Variants in CREM observed in about 807,000 individuals in gnomAD.
CREM encodes the protein cAMP-responsive element modulator.
CREM carries 13 observed loss-of-function variants against 37.3 expected under a neutral mutation model. That is an observed-to-expected ratio of 0.35 (90% CI 0.23 to 0.55). The LOEUF is 0.55. CREM is among the 20% of genes least tolerant of loss of function. The pLI is 0.88. For synonymous variants in CREM, 124 were observed against 120.2 expected, an observed-to-expected ratio of 1.03 and a Z score of -0.21; for missense variants, 296 against 362.3, an observed-to-expected ratio of 0.82 and a Z score of 1.49.
chr10:35,188,320 A>G lies in CREM; in HGVS notation c.530A>G (p.Gln177Arg), dbSNP rs765538761. ...CCTCCACCAGGTGCTACAATTGTAC[A>G]GTACGCAGCACAATCAGCTGATGGC... Reference protein sequence around the residue: ...GAPPPGATIVQYAAQSADGTQ... With the variant: ...GAPPPGATIVRYAAQSADGTQ... The change falls in exon 6 of 8, where the codon CAG (glutamine) becomes CGG (arginine). Residue 177 changes from glutamine (Q) to arginine (R), a missense_variant. Gln to Arg is a conservative substitution (Grantham distance 43). Transcript: ENST00000685392. 2.5e-6 allele frequency: 4 copies of G among 1,614,184 alleles called. No homozygotes were observed. In the Admixed American group the frequency reaches 5.0e-5, roughly 20 times the overall value.
At chr10:35,192,012 T>A (rs2094938166) in intron 6 of CREM, among the ~76,000 whole-genome samples, 1 of 152,114 alleles carries the variant, frequency 6.6e-6, no homozygotes, top group Admixed American at 6.5e-5. Context: ...TAGATTCTTC[T>A]GCCTGGCTGA....
At chr10:35,162,006 A>C (rs1021913333) in intron 3 of CREM, among the ~76,000 whole-genome samples, 1 of 152,254 alleles carries the variant, frequency 6.6e-6, no homozygotes, top group Admixed American at 6.5e-5. Context: ...CATAATGGCC[A>C]AGATACGGAA....
At chr10:35,135,744 GAGA>G (rs1445241690) in intron 1 of CREM, among the ~76,000 whole-genome samples, 3 of 50,894 alleles carry the variant, frequency 5.9e-5, no homozygotes, top group Non-Finnish European at 1.5e-4. Flanking sequence ...AAAAAAAAAA[GAGA>G]GACATTAAAA....
intron 6 of CREM, among the ~76,000 whole-genome samples, chr10:35,204,718 A>G (rs746736050): frequency 2.0e-5 from 3 of 152,288 alleles, no homozygotes; most frequent in Non-Finnish European, 4.4e-5. Context: ...AAAATCTTTA[A>G]GTGAGCTTCC....
At chr10:35,144,904 A>C (rs1480688742) in intron 2 of CREM, among the ~76,000 whole-genome samples, 1 of 151,946 alleles carries the variant, frequency 6.6e-6, no homozygotes, top group Non-Finnish European at 1.5e-5. Context: ...CCATGCCTGT[A>C]ATCCTAGCAC....
At chr10:35,182,745 TAGAC>T (rs1331583780) in intron 5 of CREM, among the ~76,000 whole-genome samples, 1 of 152,184 alleles carries the variant, frequency 6.6e-6, no homozygotes. Context: ...AAGCATAAAA[TAGAC>T]AGGGATCCAT....
rs1264818487 is a variant in CREM, at chr10:35,167,428, A to G, written c.169-11461A>G. On this transcript the variant is annotated intron_variant, in intron 3 of 7. Coordinates refer to ENST00000685392, the MANE Select transcript of CREM (RefSeq NM_183011.2). ...AGCAGAGTTGATAGAGCAGTCTGCTATATTGTGAATTCACATTTTAAAATC... is the reference window on the plus strand; with the variant it reads ...AGCAGAGTTGATAGAGCAGTCTGCTGTATTGTGAATTCACATTTTAAAATC... The G allele has an allele frequency of 5.0e-5, 17 of 341,622 alleles. 1 individual carries two copies. The East Asian group carries it at 8.6e-4, about 17-fold the overall frequency. The allele number at this position is 341,622 out of a possible 1,614,324, so 21.2% of individuals were successfully genotyped here. A position where few individuals can be genotyped will look rare whatever the true frequency, so the allele number is the denominator to read the frequency against.
chr10:35,154,716 T>C (rs1314826688), intron 3 of CREM, among the ~76,000 whole-genome samples: 1 of 152,148 alleles, frequency 6.6e-6, no homozygotes, highest in African/African-American at 2.4e-5. Flanking sequence ...AAGAGAGTAA[T>C]TTTTTTCAAT....
At chr10:35,190,669 AT>A (rs60740269) in intron 6 of CREM, among the ~76,000 whole-genome samples, 9 of 150,118 alleles carry the variant, frequency 6.0e-5, no homozygotes, top group South Asian at 2.1e-4. Flanking sequence ...GACTGCATTA[AT>A]TTTTTTTTTC....
At chr10:35,209,727 T>A (rs1340799529) in intron 7 of CREM, among the ~76,000 whole-genome samples, 2 of 152,236 alleles carry the variant, frequency 1.3e-5, no homozygotes, top group Non-Finnish European at 1.5e-5. Flanking sequence ...ACGTTGGTAT[T>A]CATAAATGAA....
At chr10:35,169,293 C>A (rs891195327) in intron 3 of CREM, among the ~76,000 whole-genome samples, 6 of 152,120 alleles carry the variant, frequency 3.9e-5, no homozygotes, top group Admixed American at 6.5e-5. Flanking sequence ...GTTTGTAGTT[C>A]TCCTTGAAGA....
Position 35,212,081 on chromosome 10 carries a change from C to A in CREM, c.*683C>A. The A allele has an allele frequency of 3.5e-6, 1 of 286,652 alleles. No individual in the cohort carries two copies. The highest frequency in any genetic ancestry group is 1.1e-4 in the South Asian group (1 of 8,742). 17.8% of individuals were successfully genotyped at this position (286,652 alleles called of 1,614,324 possible). A position where few individuals can be genotyped will look rare whatever the true frequency, so the allele number is the denominator to read the frequency against. ...TACTTGCAGCTCCCATTCTATGTGT[C>A]ATCAATAGTGTCCTATGCAATAAAA... On this transcript the variant is annotated 3_prime_UTR_variant, in exon 8 of 8. Transcript: ENST00000685392.
At chr10:35,128,047 G>A (rs1269850373) in intron 1 of CREM, among the ~76,000 whole-genome samples, 1 of 152,142 alleles carries the variant, frequency 6.6e-6, no homozygotes, top group African/African-American at 2.4e-5. Context: ...GTTTTACCAT[G>A]TTGGTCAGGC....
chr10:35,172,874 C>T (rs1454371408), intron 3 of CREM, among the ~76,000 whole-genome samples: 1 of 152,118 alleles, frequency 6.6e-6, no homozygotes, highest in Non-Finnish European at 1.5e-5. Flanking sequence ...GACATTTCCT[C>T]AAAAACAAAT....
intron 6 of CREM, among the ~76,000 whole-genome samples, chr10:35,191,554 C>A (rs184290785): frequency 3.6e-3 from 549 of 152,286 alleles, no homozygotes; most frequent in Non-Finnish European, 5.1e-3. Context: ...CTTCTCCCTT[C>A]ATCTCACTGA....
chr10:35,198,147 C>T (rs1000426084), intron 6 of CREM, among the ~76,000 whole-genome samples: 10 of 151,996 alleles, frequency 6.6e-5, no homozygotes, highest in East Asian at 1.9e-4. Context: ...TGATCTAGAC[C>T]AAAATCAGGC....
At chr10:35,179,914 C>T (rs2094281502) in intron 5 of CREM, 1 of 152,006 alleles carries the variant, frequency 6.6e-6, no homozygotes. Context: ...TAGTTTTTTT[C>T]CCAAAAGAAG....
chr10:35,173,950 G>A (rs1022750356), intron 3 of CREM, among the ~76,000 whole-genome samples: 3 of 152,160 alleles, frequency 2.0e-5, no homozygotes, highest in African/African-American at 2.4e-5. Context: ...TCACTATAGA[G>A]GTGTATAATT....
chr10:35,156,325 T>C (rs1483144890), intron 3 of CREM, among the ~76,000 whole-genome samples: 1 of 152,060 alleles, frequency 6.6e-6, no homozygotes, highest in Non-Finnish European at 1.5e-5. Context: ...CGTGACTCAC[T>C]GCAGCCTCAG....
Sources: gnomAD v4.1 joint callset for allele counts (sites outside exome capture counted in the v4.1 genomes callset) on GRCh38, gnomAD v4.1.1 for gene constraint, MANE v1.5 for transcripts, NCBI Gene and HGNC (gene_info 2026-07-23, HGNC 2026-07-21) for gene names.